The following ERBB4 variants were observed in gnomAD, a reference collection of about 807,000 sequenced individuals.
ERBB4 encodes receptor tyrosine-protein kinase erbB-4.
Under a neutral mutation model 158.0 loss-of-function variants are expected in ERBB4, and 42 were observed. The observed-to-expected ratio is 0.27, with a 90% CI of 0.21 to 0.34. ERBB4 has a LOEUF of 0.34. ERBB4 is among the 10% of genes least tolerant of loss of function. The pLI is 1.00. For missense variants in ERBB4, 1,333 were observed against 1,624.1 expected, an observed-to-expected ratio of 0.82 and a Z score of 3.08; for synonymous variants, 583 against 558.7, an observed-to-expected ratio of 1.04 and a Z score of -0.61.
chr2:211,407,327 C>T (rs886126859), intron 25 of ERBB4, among the ~76,000 whole-genome samples: 4 of 152,036 alleles, frequency 2.6e-5, no homozygotes, highest in Non-Finnish European at 4.4e-5. Flanking sequence ...ACTACAATAC[C>T]GGACTCTAAC....
chr2:211,872,731 C>CT (rs897538919), intron 3 of ERBB4, among the ~76,000 whole-genome samples: 19 of 151,910 alleles, frequency 1.3e-4, no homozygotes, highest in Non-Finnish European at 2.4e-4. Flanking sequence ...TACAAATTTA[C>CT]TTTTACTGTA....
chr2:212,434,400 C>G (rs1333452369), intron 1 of ERBB4, among the ~76,000 whole-genome samples: 1 of 151,806 alleles, frequency 6.6e-6, no homozygotes, highest in Admixed American at 6.6e-5. Flanking sequence ...CACCTTAAAA[C>G]ATTATGTAAA....
intron 2 of ERBB4, among the ~76,000 whole-genome samples, chr2:212,019,234 T>C (rs1374117433): frequency 6.6e-6 from 1 of 152,160 alleles, no homozygotes; most frequent in Non-Finnish European, 1.5e-5. Flanking sequence ...GTCTGGCTCT[T>C]TAATAGTATG....
At chr2:212,131,357 T>G (rs1441566785) in intron 1 of ERBB4, among the ~76,000 whole-genome samples, 1 of 152,184 alleles carries the variant, frequency 6.6e-6, no homozygotes, top group Non-Finnish European at 1.5e-5. Context: ...CTTTGGCATC[T>G]CATTAAACTT....
At chr2:212,019,617 G>C (rs1201216857) in intron 2 of ERBB4, among the ~76,000 whole-genome samples, 1 of 151,942 alleles carries the variant, frequency 6.6e-6, no homozygotes, top group Non-Finnish European at 1.5e-5. Context: ...CAAAAATTCA[G>C]CCAGGCATGG....
intron 1 of ERBB4, among the ~76,000 whole-genome samples, chr2:212,448,270 T>C (rs536882322): frequency 6.6e-6 from 1 of 152,280 alleles, no homozygotes; most frequent in East Asian, 1.9e-4. Context: ...CAGAGGTGAT[T>C]TCAAAGGAAG....
At chr2:212,187,071 C>G (rs2082035764) in intron 1 of ERBB4, among the ~76,000 whole-genome samples, 1 of 151,980 alleles carries the variant, frequency 6.6e-6, no homozygotes, top group South Asian at 2.1e-4. Flanking sequence ...GAGGCCGAAC[C>G]CTAAGGTCAA....
At chr2:211,789,498 C>T (rs2076236049) in intron 3 of ERBB4, among the ~76,000 whole-genome samples, 1 of 152,092 alleles carries the variant, frequency 6.6e-6, no homozygotes, top group Admixed American at 6.6e-5. Flanking sequence ...CCTAGTGAAG[C>T]TGTGACTTTT....
At chr2:211,641,187 C>T (rs1221497640) in intron 16 of ERBB4, among the ~76,000 whole-genome samples, 1 of 151,978 alleles carries the variant, frequency 6.6e-6, no homozygotes, top group South Asian at 2.1e-4. Flanking sequence ...TTTTCTAGTA[C>T]TTTATTTATT....
At chr2:211,999,494 A>G (rs916939695) in intron 2 of ERBB4, among the ~76,000 whole-genome samples, 60 of 151,864 alleles carry the variant, frequency 4.0e-4, no homozygotes, top group Non-Finnish European at 6.8e-4. Flanking sequence ...CTCTGGAGCT[A>G]TGTTTAATTT....
In ERBB4 at chr2:211,660,754, CA is replaced by C. The variant is rs1472885739; in HGVS notation, c.1872-2927del. On this transcript the variant is annotated intron_variant, in intron 15 of 27. Coordinates refer to ENST00000342788, the MANE Select transcript of ERBB4 (RefSeq NM_005235.3). ...AAGAAGATATAAAAAGTAAGAAAAG[CA>C]GAGGCTGAAGATGGAAACCCAAGGA... 2.0e-5 allele frequency among the ~76,000 whole-genome samples: 3 copies of C among 152,208 alleles called. No homozygotes were observed. In the East Asian group the frequency reaches 5.8e-4, roughly 29 times the overall value.
chr2:211,397,331 C>A (rs2062941525), intron 25 of ERBB4, among the ~76,000 whole-genome samples: 1 of 152,152 alleles, frequency 6.6e-6, no homozygotes, highest in Non-Finnish European at 1.5e-5. Context: ...TTTCCATTTA[C>A]ACGGTTGCTG....
At chr2:211,536,408 A>T (rs1294353366) in intron 20 of ERBB4, among the ~76,000 whole-genome samples, 1 of 152,044 alleles carries the variant, frequency 6.6e-6, no homozygotes, top group Admixed American at 6.6e-5. Flanking sequence ...TCCTGACTCA[A>T]ACTGTGGACA....
At chr2:212,419,450 A>AAG (rs1282433156) in intron 1 of ERBB4, among the ~76,000 whole-genome samples, 2 of 151,882 alleles carry the variant, frequency 1.3e-5, no homozygotes, top group Non-Finnish European at 2.9e-5. Context: ...GCCAAAACAA[A>AAG]AGAGAGGGAT....
At chr2:211,585,111 A>T (rs948191186) in intron 19 of ERBB4, among the ~76,000 whole-genome samples, 4 of 151,970 alleles carry the variant, frequency 2.6e-5, no homozygotes, top group African/African-American at 9.7e-5. Flanking sequence ...CCAGCACTTT[A>T]GGAGGCCGAG....
chr2:212,056,594 A>C (rs2077578375), intron 2 of ERBB4, among the ~76,000 whole-genome samples: 1 of 152,242 alleles, frequency 6.6e-6, no homozygotes, highest in African/African-American at 2.4e-5. Flanking sequence ...CAGAAACTCT[A>C]CAAGACAGAA....
intron 1 of ERBB4, among the ~76,000 whole-genome samples, chr2:212,144,414 A>C (rs2080594660): frequency 6.6e-6 from 1 of 152,226 alleles, no homozygotes; most frequent in South Asian, 2.1e-4. Flanking sequence ...ATCAAAACAT[A>C]GTTTAAATAT....
chr2:211,661,998 C>CACT (rs1452122132), intron 15 of ERBB4, among the ~76,000 whole-genome samples: 1 of 123,280 alleles, frequency 8.1e-6, no homozygotes, highest in Non-Finnish European at 1.6e-5. Flanking sequence ...GAGATCCCGC[C>CACT]ACTGCACTCC....
In ERBB4 at chr2:211,738,361, G is replaced by T. The variant is rs970077321; in HGVS notation, c.622+12278C>A. Among the ~76,000 whole-genome samples, 204 of 135,370 alleles carry T rather than the reference G, an allele frequency of 1.5e-3. 2 individuals are homozygous for T. The highest frequency in any genetic ancestry group is 2.8e-3 in the Non-Finnish European group (170 of 61,598). The allele number at this position is 135,370 out of a possible 152,430, so 88.8% of individuals were successfully genotyped here. ...TTAAAGTAATTTTTCCTTTGTTTTTGTTTTTTTTTTTTTTTTTTTTTTTTT... is the reference window on the plus strand; with the variant it reads ...TTAAAGTAATTTTTCCTTTGTTTTTTTTTTTTTTTTTTTTTTTTTTTTTTT... On this transcript the variant is annotated intron_variant, in intron 5 of 27. Transcript: ENST00000342788.
Sources: allele counts gnomAD v4.1 joint callset (sites outside exome capture counted in the v4.1 genomes callset), GRCh38; gene constraint gnomAD v4.1.1; transcripts MANE v1.5; gene names NCBI Gene and HGNC (gene_info 2026-07-23, HGNC 2026-07-21).